The following TIMM21 variants were observed in gnomAD, a reference collection of about 807,000 sequenced individuals.
The protein encoded by TIMM21 is mitochondrial import inner membrane translocase subunit Tim21.
A neutral mutation model predicts 27.7 loss-of-function variants in TIMM21; 30 were observed. The observed-to-expected ratio is 1.08, with a 90% CI of 0.81 to 1.47. The LOEUF (loss-of-function observed/expected upper bound fraction) is 1.47, where lower values mean the gene tolerates loss of function less well. TIMM21 is among the 40% of genes most tolerant of loss of function. TIMM21 has a pLI of 0.00. For synonymous variants in TIMM21, 121 were observed against 114.4 expected, an observed-to-expected ratio of 1.06 and a Z score of -0.37; for missense variants, 292 against 302.9, an observed-to-expected ratio of 0.96 and a Z score of 0.27.
chr18:74,158,195 G>C lies in TIMM21; in HGVS notation c.561G>C (p.Gly187=), dbSNP rs1980006350. 1 of 1,614,146 alleles carries C rather than the reference G, an allele frequency of 6.2e-7. No individual in the cohort carries two copies. Among genetic ancestry groups the C allele is most frequent in the South Asian group, 1.1e-5 (1 of 91,080 alleles). ...HVRFTEYVKD[G]LKHTCVKFYI... ...GGTTCACTGAATATGTAAAAGATGG[G>C]CTGAAACACACGTGTGTGAAATTCT... Residue 187 remains glycine (G), a synonymous_variant, in exon 5 of 6, where the codon GGG becomes GGC. Transcript: ENST00000169551.
At chr18:74,154,027 C>G (rs1423706258) in intron 1 of TIMM21, among the ~76,000 whole-genome samples, 1 of 152,060 alleles carries the variant, frequency 6.6e-6, no homozygotes, top group Non-Finnish European at 1.5e-5. Context: ...TGTTATAGCT[C>G]TTTGCATATA....
intron 1 of TIMM21, among the ~76,000 whole-genome samples, chr18:74,151,445 C>T (rs1215468173): frequency 1.3e-5 from 2 of 152,292 alleles, no homozygotes; most frequent in African/African-American, 2.4e-5. Context: ...CAGACACTCC[C>T]GACTGCCACT....
Position 74,159,683 on chromosome 18 carries a change from C to T in TIMM21, c.*1203C>T, listed in dbSNP as rs1980052159. On this transcript the variant is annotated 3_prime_UTR_variant, in exon 6 of 6. Transcript: ENST00000169551. ...GAGTATAGAAAATATAACAGACACT[C>T]GTCTCCCTGACGTAACACACTTTGA... 1.3e-5 allele frequency: 2 copies of T among 152,198 alleles called. No homozygotes were observed. The highest frequency in any genetic ancestry group is 2.1e-4 in the South Asian group (1 of 4,828). The allele number at this position is 152,198 out of a possible 1,614,324, so 9.4% of individuals were successfully genotyped here.
In TIMM21 at chr18:74,158,537, C is replaced by G. The variant is rs1980021265; in HGVS notation, c.*57C>G. The G allele has an allele frequency of 9.4e-7, 1 of 1,064,290 alleles. No homozygotes were observed. Among genetic ancestry groups the G allele is most frequent in the African/African-American group, 1.6e-5 (1 of 61,174 alleles). The allele number at this position is 1,064,290 out of a possible 1,614,324, so 65.9% of individuals were successfully genotyped here. ...GGACTCGCTACTCCGTTCTTCACAG[C>G]TGCCTTCCAGAATGTGTTCAAAAGA... On this transcript the variant is annotated 3_prime_UTR_variant, in exon 6 of 6. Coordinates refer to ENST00000169551, the MANE Select transcript of TIMM21 (RefSeq NM_014177.3).
intron 3 of TIMM21, among the ~76,000 whole-genome samples, chr18:74,155,910 A>T (rs1979937845): frequency 6.6e-6 from 1 of 152,178 alleles, no homozygotes; most frequent in South Asian, 2.1e-4. Context: ...TCACTGAGCT[A>T]GTAAGTGGGG....
intron 1 of TIMM21, among the ~76,000 whole-genome samples, chr18:74,154,271 T>G (rs1205284892): frequency 6.7e-6 from 1 of 149,990 alleles, no homozygotes; most frequent in Non-Finnish European, 1.5e-5. Context: ...GACACTGTCT[T>G]TTTTTTTTTG....
chr18:74,156,816 T>A (rs1189571251), intron 3 of TIMM21: 1 of 152,284 alleles, frequency 6.6e-6, no homozygotes, highest in Admixed American at 6.5e-5. Context: ...CTACAAATAA[T>A]AATTAAACTT....
intron 3 of TIMM21, chr18:74,157,314 A>G (rs1979975924): frequency 6.6e-6 from 1 of 152,222 alleles, no homozygotes. Context: ...GATGCTATTA[A>G]TTAATTACAT....
At position 74,158,059 on chromosome 18, in the gene TIMM21, A is replaced by T; in HGVS notation, c.508A>T (p.Thr170Ser). The change falls in exon 4 of 6, where the codon ACA becomes TCA. Residue 170 changes from threonine (T) to serine (S), a missense_variant. Physicochemically the swap from Thr to Ser is moderately conservative, Grantham distance 58. Coordinates refer to ENST00000169551, the MANE Select transcript of TIMM21 (RefSeq NM_014177.3). ...GTCTGTTAAAGGCTATGGGGAGGTG[A>T]CAAGGCGGGGTCGCCGGCAGCATGT... ...GESVKGYGEV[T>S]RRGRRQHVRF... is the part of the protein sequence containing the mutation. 1 of 1,614,194 alleles carries T rather than the reference A, an allele frequency of 6.2e-7. No individual in the cohort carries two copies. Among genetic ancestry groups the T allele is most frequent in the Non-Finnish European group, 8.5e-7 (1 of 1,180,030 alleles).
rs935764122 is a variant in TIMM21, at chr18:74,159,406, G to T, written c.*926G>T. On this transcript the variant is annotated 3_prime_UTR_variant, in exon 6 of 6. Coordinates refer to ENST00000169551, the MANE Select transcript of TIMM21 (RefSeq NM_014177.3). Reference sequence around the variant, plus strand: ...GTAAGTGCTATGTGCATTGGGAGGGGTCTAGAACCATGTTTATCTGCGGTG... The same window carrying T: ...GTAAGTGCTATGTGCATTGGGAGGGTTCTAGAACCATGTTTATCTGCGGTG... The T allele has an allele frequency of 6.6e-6, 1 of 152,016 alleles. No individual in the cohort carries two copies. The highest frequency in any genetic ancestry group is 1.5e-5 in the Non-Finnish European group (1 of 68,016). The allele number at this position is 152,016 out of a possible 1,614,324, so 9.4% of individuals were successfully genotyped here. A position where few individuals can be genotyped will look rare whatever the true frequency, so the allele number is the denominator to read the frequency against.
chr18:74,154,307 G>T (rs1044329834), intron 1 of TIMM21, among the ~76,000 whole-genome samples: 6 of 149,202 alleles, frequency 4.0e-5, no homozygotes, highest in Non-Finnish European at 3.0e-5. Flanking sequence ...TTTCGCCCAG[G>T]CCGTAGTGCA....
intron 2 of TIMM21, 42 bp downstream of exon 2, chr18:74,155,249 AACTGG>A: frequency 1.2e-6 from 2 of 1,612,914 alleles, no homozygotes; most frequent in South Asian, 2.2e-5. Flanking sequence ...ATATTTTTTA[AACTGG>A]ACTTTTTATG....
At chr18:74,154,321 G>T (rs1979890285) in intron 1 of TIMM21, among the ~76,000 whole-genome samples, 1 of 151,218 alleles carries the variant, frequency 6.6e-6, no homozygotes. Flanking sequence ...TAGTGCAGTG[G>T]CGCTATCTTG....
In TIMM21 at chr18:74,151,711, C is replaced by G. The variant is rs1008926690; in HGVS notation, c.301+2602C>G. Among the ~76,000 whole-genome samples, 7 of 152,122 alleles carry G rather than the reference C, an allele frequency of 4.6e-5. No individual in the cohort carries two copies. The East Asian group carries it at 1.2e-3, about 25-fold the overall frequency. On this transcript the variant is annotated intron_variant, in intron 1 of 5. Coordinates refer to ENST00000169551, the MANE Select transcript of TIMM21 (RefSeq NM_014177.3). ...ATCCCCATTCTTGGAGGCTGTTGAGCCTTTCGTCCAGTTTGCCATGGCTGT... is the reference window on the plus strand; with the variant it reads ...ATCCCCATTCTTGGAGGCTGTTGAGGCTTTCGTCCAGTTTGCCATGGCTGT...
chr18:74,156,508 G>A (rs1454506358), intron 3 of TIMM21: 10 of 386,058 alleles, frequency 2.6e-5, no homozygotes, highest in Non-Finnish European at 4.6e-6. Flanking sequence ...AAGGCAGGGA[G>A]GATAAAGTAT....
At position 74,158,631 on chromosome 18, in the gene TIMM21, G is replaced by C; in HGVS notation, c.*151G>C. 3.4e-6 allele frequency: 2 copies of C among 592,014 alleles called. No homozygotes were observed. The highest frequency in any genetic ancestry group is 6.0e-6 in the Non-Finnish European group (2 of 330,794). 36.7% of individuals were successfully genotyped at this position (592,014 alleles called of 1,614,324 possible). On this transcript the variant is annotated 3_prime_UTR_variant, in exon 6 of 6. Coordinates refer to ENST00000169551, the MANE Select transcript of TIMM21 (RefSeq NM_014177.3). ...GTATTTGTTGCATTTAAACAAACTAGACATTTTCTTACGGAAAAATTATGA... is the reference window on the plus strand; with the variant it reads ...GTATTTGTTGCATTTAAACAAACTACACATTTTCTTACGGAAAAATTATGA...
intron 3 of TIMM21, 42 bp from the exon 4 acceptor site, chr18:74,157,972 T>G (rs1979995894): frequency 6.3e-7 from 1 of 1,597,472 alleles, no homozygotes; most frequent in Non-Finnish European, 8.5e-7. Context: ...TTTAGAAGCT[T>G]AAAAAAATAA....
In TIMM21 at chr18:74,155,124, A is replaced by G. The variant is rs745591348; in HGVS notation, c.302-21A>G. ...TGCTCCCAGCCGGCACCCGTAACCC[A>G]TTGGTGTTTTCTCTTCACAGTGAAA... On this transcript the variant is annotated intron_variant, in intron 1 of 5. Coordinates refer to ENST00000169551, the MANE Select transcript of TIMM21 (RefSeq NM_014177.3). 1.7e-5 allele frequency: 28 copies of G among 1,613,220 alleles called. No homozygotes were observed. In the Middle Eastern group the frequency reaches 6.6e-4, roughly 38 times the overall value.
chr18:74,148,849 A>G lies in TIMM21; in HGVS notation c.41A>G (p.Lys14Arg). 1.9e-6 allele frequency: 3 copies of G among 1,613,982 alleles called. No individual in the cohort carries two copies. The highest frequency in any genetic ancestry group is 2.5e-6 in the Non-Finnish European group (3 of 1,179,846). ...TFLRAVQYTE[K>R]LHRSSAKRLL... ...CTACGAGCCGTACAGTATACGGAGA[A>G]GCTGCACAGGTCCTCGGCAAAGCGA... The change falls in exon 1 of 6, where the codon AAG (lysine) becomes AGG (arginine). Residue 14 changes from lysine to arginine, a missense_variant. Lys to Arg is a conservative substitution (Grantham distance 26). Coordinates refer to ENST00000169551, the MANE Select transcript of TIMM21 (RefSeq NM_014177.3).
Sources: allele counts gnomAD v4.1 joint callset (sites outside exome capture counted in the v4.1 genomes callset), GRCh38; gene constraint gnomAD v4.1.1; transcripts MANE v1.5; gene names NCBI Gene and HGNC (gene_info 2026-07-23, HGNC 2026-07-21).